Variants in SGCZ observed in about 807,000 individuals in gnomAD.
The protein encoded by SGCZ is zeta-sarcoglycan.
In SGCZ, 40 loss-of-function variants were observed where a neutral mutation model predicts 41.3. The observed-to-expected ratio is 0.97, with a 90% CI of 0.75 to 1.26. The LOEUF is 1.26. Ranked by LOEUF, SGCZ falls within the 50% of genes most tolerant of loss-of-function variation. The probability of loss-of-function intolerance (pLI) is 0.00; values close to 1 mark genes in which losing one functional copy is unlikely to be tolerated. For missense variants in SGCZ, 552 were observed against 369.8 expected, an observed-to-expected ratio of 1.49 and a Z score of -4.04; for synonymous variants, 206 against 137.5, an observed-to-expected ratio of 1.50 and a Z score of -3.49.
At chr8:14,506,955 C>A (rs1239295926) in intron 2 of SGCZ, among the ~76,000 whole-genome samples, 1 of 152,098 alleles carries the variant, frequency 6.6e-6, no homozygotes, top group Non-Finnish European at 1.5e-5. Context: ...CACTGTTTTC[C>A]AGTCACATCT....
intron 1 of SGCZ, among the ~76,000 whole-genome samples, chr8:14,740,573 C>G (rs936574456): frequency 3.9e-5 from 6 of 152,142 alleles, no homozygotes; most frequent in Middle Eastern, 3.4e-3. Flanking sequence ...ATCTCCTTCT[C>G]AGTGTGGAAC....
intron 2 of SGCZ, among the ~76,000 whole-genome samples, chr8:14,423,326 GA>G (rs138379272): frequency 0.21 from 31,171 of 150,820 alleles, 3,784 homozygotes; most frequent in Non-Finnish European, 0.29. Flanking sequence ...AATAAAAAAA[GA>G]AAAAAAAGTA....
At position 14,240,427 on chromosome 8, in the gene SGCZ, C is replaced by T. The variant is rs575845814; in HGVS notation, c.337-2748G>A. Among the ~76,000 whole-genome samples the T allele has an allele frequency of 3.3e-5, 5 of 151,804 alleles. No individual in the cohort carries two copies. The South Asian group carries it at 8.3e-4, about 25-fold the overall frequency. On this transcript the variant is annotated intron_variant, in intron 3 of 7. Transcript: ENST00000382080. ...CATAGCAATCTCCTTTTACTCTAACCGCAGAGAATTTGTTGAAGTTCTGTC... is the reference window on the plus strand; with the variant it reads ...CATAGCAATCTCCTTTTACTCTAACTGCAGAGAATTTGTTGAAGTTCTGTC...
chr8:14,643,845 G>A (rs1192755149), intron 1 of SGCZ, among the ~76,000 whole-genome samples: 1 of 151,618 alleles, frequency 6.6e-6, no homozygotes, highest in Non-Finnish European at 1.5e-5. Flanking sequence ...TCTTTTCACA[G>A]CTTAACGTGC....
intron 3 of SGCZ, among the ~76,000 whole-genome samples, chr8:14,244,188 TCCTCCTCTTCCTTCTTCC>T (rs1563208228): frequency 1.5e-4 from 2 of 13,610 alleles, no homozygotes; most frequent in African/African-American, 4.9e-4. Flanking sequence ...TCCTTCTTCC[TCCTCCTCTTCCTTCTTCC>T]TCCTCTTCCT....
intron 3 of SGCZ, among the ~76,000 whole-genome samples, chr8:14,280,798 AG>A (rs1800402013): frequency 4.9e-5 from 1 of 20,370 alleles, no homozygotes; most frequent in South Asian, 2.3e-3. Context: ...TTTAAACTAT[AG>A]GGTTTTTTTT....
intron 3 of SGCZ, among the ~76,000 whole-genome samples, chr8:14,317,506 A>G (rs1801757636): frequency 6.6e-6 from 1 of 151,986 alleles, no homozygotes; most frequent in Non-Finnish European, 1.5e-5. Flanking sequence ...ACAACACCCA[A>G]ACACCCCAAA....
At chr8:14,326,406 G>C (rs956410498) in intron 2 of SGCZ, among the ~76,000 whole-genome samples, 1 of 151,930 alleles carries the variant, frequency 6.6e-6, no homozygotes, top group South Asian at 2.1e-4. Context: ...TTTGAAGAGA[G>C]AAAAAAACGA....
In SGCZ at chr8:14,599,435, G is replaced by C. The variant is rs372848291; in HGVS notation, c.40-44509C>G. ...TCAGGTAAATGTGGAAAGTCACACA[G>C]CCACTCTGACTGGTCTCCCATTAAT... On this transcript the variant is annotated intron_variant, in intron 1 of 7. Transcript: ENST00000382080. 3.9e-5 allele frequency among the ~76,000 whole-genome samples: 6 copies of C among 152,282 alleles called. No individual in the cohort carries two copies. The East Asian group carries it at 1.2e-3, about 29-fold the overall frequency.
chr8:14,693,678 C>T (rs949239746), intron 1 of SGCZ, among the ~76,000 whole-genome samples: 2 of 150,416 alleles, frequency 1.3e-5, no homozygotes, highest in Middle Eastern at 3.2e-3. Flanking sequence ...GCAAGCTCCG[C>T]CTCCCGGGTA....
intron 1 of SGCZ, among the ~76,000 whole-genome samples, chr8:14,995,612 G>A (rs1802189436): frequency 6.6e-6 from 1 of 152,168 alleles, no homozygotes; most frequent in Admixed American, 6.5e-5. Context: ...CACAGGGAAT[G>A]CAATGACCAT....
At chr8:14,469,690 C>T (rs1801160130) in intron 2 of SGCZ, among the ~76,000 whole-genome samples, 1 of 152,044 alleles carries the variant, frequency 6.6e-6, no homozygotes, top group African/African-American at 2.4e-5. Context: ...CAACCTCACC[C>T]CTGGCTTTCA....
At chr8:14,979,522 T>C (rs2130877665) in intron 1 of SGCZ, among the ~76,000 whole-genome samples, 1 of 152,314 alleles carries the variant, frequency 6.6e-6, no homozygotes, top group South Asian at 2.1e-4. Context: ...TTGTTCAGTG[T>C]TGCTTTTTAA....
At chr8:14,887,686 G>A (rs901283013) in intron 1 of SGCZ, among the ~76,000 whole-genome samples, 4 of 152,080 alleles carry the variant, frequency 2.6e-5, no homozygotes, top group Non-Finnish European at 5.9e-5. Flanking sequence ...AATGAACATA[G>A]CAGCTGTAGC....
At chr8:14,956,077 G>A (rs900467771) in intron 1 of SGCZ, among the ~76,000 whole-genome samples, 1 of 126,354 alleles carries the variant, frequency 7.9e-6, no homozygotes, top group East Asian at 2.2e-4. Context: ...GTTTCATTCC[G>A]TCATCAGGCT....
chr8:14,667,160 A>G (rs1452561238), intron 1 of SGCZ, among the ~76,000 whole-genome samples: 2 of 152,182 alleles, frequency 1.3e-5, no homozygotes, highest in African/African-American at 4.8e-5. Context: ...TTCTGAAACC[A>G]TTCTTTGGAA....
chr8:14,209,603 G>A (rs1038757701), intron 4 of SGCZ, among the ~76,000 whole-genome samples: 3 of 151,962 alleles, frequency 2.0e-5, no homozygotes, highest in Admixed American at 6.5e-5. Flanking sequence ...ATTTAATATA[G>A]GACATGTTCA....
At chr8:14,135,569 A>G (rs994724314) in intron 5 of SGCZ, among the ~76,000 whole-genome samples, 2 of 152,210 alleles carry the variant, frequency 1.3e-5, no homozygotes, top group Non-Finnish European at 2.9e-5. Context: ...AATGAAAAAA[A>G]TCTCACAAAA....
At chr8:14,197,333 CAACAAGAAGGTAG>C (rs1171629141) in intron 4 of SGCZ, among the ~76,000 whole-genome samples, 1 of 151,974 alleles carries the variant, frequency 6.6e-6, no homozygotes, top group Non-Finnish European at 1.5e-5. Context: ...TACACAGCTA[CAACAAGAAGGTAG>C]AACAATATCC....
Sources: gnomAD v4.1 joint callset for allele counts (sites outside exome capture counted in the v4.1 genomes callset) on GRCh38, gnomAD v4.1.1 for gene constraint, MANE v1.5 for transcripts, NCBI Gene and HGNC (gene_info 2026-07-23, HGNC 2026-07-21) for gene names.